Variants in NFATC1 observed in about 807,000 individuals in gnomAD.
The protein encoded by NFATC1 is nuclear factor of activated T-cells, cytoplasmic 1.
NFATC1 carries 22 observed loss-of-function variants against 76.0 expected under a neutral mutation model. The ratio of observed to expected loss-of-function variants is 0.29; its 90% CI spans 0.21 to 0.41. NFATC1 has a LOEUF of 0.41. NFATC1 is among the 10% of genes least tolerant of loss of function. NFATC1 has a pLI of 1.00. For synonymous variants in NFATC1, 704 were observed against 613.1 expected (o/e 1.15, Z -2.19); for missense variants, 1,357 against 1,337.7 (o/e 1.01, Z -0.23).
chr18:79,480,022 A>G (rs2089218772), intron 8 of NFATC1, among the ~76,000 whole-genome samples: 1 of 152,224 alleles, frequency 6.6e-6, no homozygotes, highest in African/African-American at 2.4e-5. Context: ...TGGCAGGAAC[A>G]GGGCCCGCAC....
intron 8 of NFATC1, among the ~76,000 whole-genome samples, chr18:79,484,095 T>C (rs1341062114): frequency 6.6e-6 from 1 of 151,628 alleles, no homozygotes; most frequent in Non-Finnish European, 1.5e-5. Flanking sequence ...TCGGCGGCAC[T>C]TGCAGGGTGG....
intron 3 of NFATC1, 24 bp from the exon 4 acceptor site, chr18:79,448,758 A>C (rs754424983): frequency 6.2e-7 from 1 of 1,607,822 alleles, no homozygotes; most frequent in Non-Finnish European, 8.5e-7. Context: ...GGTGCTGAGC[A>C]GGTGTTTTCT....
chr18:79,525,844 C>T (rs528288091), intron 9 of NFATC1, among the ~76,000 whole-genome samples: 2 of 152,334 alleles, frequency 1.3e-5, no homozygotes, highest in Admixed American at 1.3e-4. Context: ...GGTGGCTCCT[C>T]CTGCCTCTTT....
intron 6 of NFATC1, among the ~76,000 whole-genome samples, chr18:79,454,183 C>G (rs1325395083): frequency 6.6e-6 from 1 of 152,142 alleles, no homozygotes; most frequent in Non-Finnish European, 1.5e-5. Flanking sequence ...AGGAAGGGCC[C>G]CTGCGTCTCT....
At chr18:79,445,509 G>A (rs183943831) in intron 3 of NFATC1, among the ~76,000 whole-genome samples, 110 of 152,360 alleles carry the variant, frequency 7.2e-4, no homozygotes, top group African/African-American at 2.5e-3. Flanking sequence ...CTGCTGTTGT[G>A]GGTGATGAGG....
rs547165852 is a variant in NFATC1 at position 79,517,703 on chromosome 18, GTC to G, written c.2783-9823_2783-9822del. ...CTGAGGCCTGTGTCCTTGCCAAACT[GTC>G]TGGTTTGTTTAGCGGTCATAGATAA... On this transcript the variant is annotated intron_variant, in intron 9 of 9. Coordinates refer to ENST00000427363, the MANE Select transcript of NFATC1 (RefSeq NM_001278669.2). 4.1e-3 allele frequency among the ~76,000 whole-genome samples: 632 copies of G among 152,340 alleles called. 5 individuals carry two copies. The highest frequency in any genetic ancestry group is 0.013 in the African/African-American group (545 of 41,576).
chr18:79,486,509 A>G lies in NFATC1; in HGVS notation c.2354A>G (p.His785Arg). ...ACCAAGGGCGTTGCCAGCCCGGGCC[A>G]CTGTCACCTCGGACTCCCGCAGCCG... ...AYTKGVASPG[H>R]CHLGLPQPAG... The change falls in exon 9 of 10, where the codon CAC becomes CGC. Residue 785 changes from histidine to arginine, a missense_variant. Physicochemically the swap from His to Arg is conservative, Grantham distance 29. Around this residue, in one of 3 missense-constraint regions of NFATC1, gnomAD observed 424 missense variants for 395.4 expected, o/e 1.07. Transcript: ENST00000427363. The G allele has an allele frequency of 5.6e-6, 9 of 1,603,748 alleles. No homozygotes were observed. The highest frequency in any genetic ancestry group is 7.6e-6 in the Non-Finnish European group (9 of 1,179,268).
intron 2 of NFATC1, among the ~76,000 whole-genome samples, chr18:79,432,442 G>GAGGA: frequency 1.1e-5 from 1 of 92,716 alleles, no homozygotes; most frequent in African/African-American, 3.3e-5. Context: ...GCCCTGGACT[G>GAGGA]CCTCTGCCCA....
intron 1 of NFATC1, among the ~76,000 whole-genome samples, chr18:79,397,251 G>A (rs1390055199): frequency 6.6e-6 from 1 of 152,232 alleles, no homozygotes; most frequent in African/African-American, 2.4e-5. Flanking sequence ...CAATGCTAAT[G>A]GAAATTGGAA....
chr18:79,397,138 C>T (rs12604473), intron 1 of NFATC1, among the ~76,000 whole-genome samples: 17,282 of 152,202 alleles, frequency 0.11, 1,489 homozygotes, highest in East Asian at 0.42. Flanking sequence ...CACCTTAGCC[C>T]GTCCCCGGCA....
At chr18:79,423,395 C>T (rs767936666) in intron 2 of NFATC1, among the ~76,000 whole-genome samples, 4 of 152,240 alleles carry the variant, frequency 2.6e-5, no homozygotes, top group South Asian at 4.1e-4. Flanking sequence ...CCCATGCACC[C>T]GGCTGTCCAC....
At chr18:79,461,255 G>C in intron 6 of NFATC1, 56 bp from the exon 7 acceptor site, 1 of 1,600,402 alleles carries the variant, frequency 6.2e-7, no homozygotes, top group South Asian at 1.1e-5. Context: ...GGGGTGTCTG[G>C]GGAGGGGGCT....
At chr18:79,519,530 G>A (rs2090463255) in intron 9 of NFATC1, among the ~76,000 whole-genome samples, 1 of 151,914 alleles carries the variant, frequency 6.6e-6, no homozygotes, top group Non-Finnish European at 1.5e-5. Context: ...GATGGGGGGT[G>A]GTCTCACTAC....
chr18:79,485,100 G>A (rs2089456280), intron 8 of NFATC1, among the ~76,000 whole-genome samples: 1 of 152,204 alleles, frequency 6.6e-6, no homozygotes, highest in African/African-American at 2.4e-5. Context: ...TGTTTGCACC[G>A]GGAGCCTGTG....
At chr18:79,455,994 A>G (rs2087705355) in intron 6 of NFATC1, among the ~76,000 whole-genome samples, 2 of 152,154 alleles carry the variant, frequency 1.3e-5, no homozygotes, top group South Asian at 4.1e-4. Flanking sequence ...TATTTTTCAA[A>G]TAAAGGGACC....
At chr18:79,488,298 T>TTTTG (rs2089576638) in intron 9 of NFATC1, among the ~76,000 whole-genome samples, 1 of 141,010 alleles carries the variant, frequency 7.1e-6, no homozygotes, top group African/African-American at 3.0e-5. Flanking sequence ...GCAGCCCTGG[T>TTTTG]TGTGTGTGTG....
At chr18:79,401,284 G>A (rs2085243465) in intron 1 of NFATC1, among the ~76,000 whole-genome samples, 2 of 152,040 alleles carry the variant, frequency 1.3e-5, no homozygotes, top group Non-Finnish European at 1.5e-5. Flanking sequence ...GAAGCCGGAG[G>A]AGCTTGGCAA....
intron 8 of NFATC1, among the ~76,000 whole-genome samples, chr18:79,479,307 G>C (rs572672730): frequency 6.6e-6 from 1 of 152,200 alleles, no homozygotes; most frequent in Non-Finnish European, 1.5e-5. Flanking sequence ...CCCGGAACAC[G>C]GGCAACAGCT....
chr18:79,464,677 T>TGTACGTATATATATACACAC, intron 7 of NFATC1, among the ~76,000 whole-genome samples: 1 of 116,938 alleles, frequency 8.6e-6, no homozygotes, highest in Non-Finnish European at 1.7e-5. Context: ...TGTGTATATG[T>TGTACGTATATATATACACAC]ATGTGTATAT....
Sources: allele counts gnomAD v4.1 joint callset (sites outside exome capture counted in the v4.1 genomes callset), GRCh38; gene constraint gnomAD v4.1.1; regional missense constraint gnomAD v4.1.1; transcripts MANE v1.5; gene names NCBI Gene and HGNC (gene_info 2026-07-23, HGNC 2026-07-21).